Variants in SNRNP70 observed in about 807,000 individuals in gnomAD.
SNRNP70 encodes small nuclear ribonucleoprotein U1 subunit 70, also known as U1 small nuclear ribonucleoprotein 70 kDa.
Under a neutral mutation model 50.5 loss-of-function variants are expected in SNRNP70, and 8 were observed. The observed-to-expected ratio is 0.16, with a 90% CI of 0.09 to 0.29. The LOEUF is 0.29. Ranked by LOEUF, SNRNP70 falls within the 10% of genes least tolerant of loss-of-function variation. The probability of loss-of-function intolerance (pLI) is 1.00; values close to 1 mark genes in which losing one functional copy is unlikely to be tolerated. For missense variants in SNRNP70, 529 were observed against 663.5 expected, an observed-to-expected ratio of 0.80 and a Z score of 2.23; for synonymous variants, 320 against 252.9, an observed-to-expected ratio of 1.27 and a Z score of -2.52.
chr19:49,097,785 C>A (rs2040531577), intron 4 of SNRNP70, among the ~76,000 whole-genome samples: 2 of 152,198 alleles, frequency 1.3e-5, no homozygotes, highest in Non-Finnish European at 2.9e-5. Context: ...TCCTTAGTAG[C>A]CAGGTAGAAC....
At chr19:49,091,709 C>T (rs1293890544) in intron 4 of SNRNP70, among the ~76,000 whole-genome samples, 1 of 152,162 alleles carries the variant, frequency 6.6e-6, no homozygotes, top group Non-Finnish European at 1.5e-5. Context: ...GATTTCCTCA[C>T]GGTGCTTACG....
rs759163166 is a variant in SNRNP70, at chr19:49,098,721, AG to A, written c.393+20del. The stretch of plus-strand genomic sequence containing the variant: ...ATCAAAAGAGTAAGTGGAGTGGGTC[AG>A]GGTGTTTGAATTGGGGGTGCATGGA... On this transcript the variant is annotated intron_variant, in intron 6 of 9. Transcript: ENST00000598441. 6.8e-6 allele frequency: 11 copies of A among 1,609,074 alleles called. No homozygotes were observed. The East Asian group carries it at 2.5e-4, about 36-fold the overall frequency.
intron 2 of SNRNP70, among the ~76,000 whole-genome samples, chr19:49,086,881 A>AT (rs5828373): frequency 0.47 from 69,831 of 149,798 alleles, 16,337 homozygotes; most frequent in Middle Eastern, 0.52. Context: ...CAAAAAAAAA[A>AT]TTTTTTTTTT....
At position 49,104,372 on chromosome 19, in the gene SNRNP70, A is replaced by C; in HGVS notation, c.476-262A>C. 1 of 438,082 alleles carries C rather than the reference A, an allele frequency of 2.3e-6. No homozygotes were observed. Among genetic ancestry groups the C allele is most frequent in the Non-Finnish European group, 4.1e-6 (1 of 241,650 alleles). The allele number at this position is 438,082 out of a possible 1,614,324, so 27.1% of individuals were successfully genotyped here. Reference sequence around the variant, plus strand: ...TGGGAGAGGAAGGGCCGGGGAGCCTAGGGGGTGGCGGGTGAGGGTGGACGT... The same window carrying C: ...TGGGAGAGGAAGGGCCGGGGAGCCTCGGGGGTGGCGGGTGAGGGTGGACGT... On this transcript the variant is annotated intron_variant, in intron 7 of 9. Transcript: ENST00000598441. The surrounding 1 kb of genome is among the most constrained non-coding windows in gnomAD (Gnocchi z 5.4).
chr19:49,108,104 GC>G lies in SNRNP70; in HGVS notation c.980del (p.Pro327LeufsTer105). On this transcript the variant is annotated frameshift_variant, in exon 10 of 10. Transcript: ENST00000598441. LOFTEE classifies it high-confidence loss of function. ...MAEPSEAGDA[P>X]PDDGPPGELG... ...CGGAGCCCTCCGAGGCGGGTGACGCGCCCCCTGATGATGGGCCTCCAGGGGA... is the reference window on the plus strand; with the variant it reads ...CGGAGCCCTCCGAGGCGGGTGACGCGCCCCTGATGATGGGCCTCCAGGGGA... The G allele has an allele frequency of 1.3e-6, 2 of 1,548,998 alleles. No homozygotes were observed. The highest frequency in any genetic ancestry group is 1.7e-6 in the Non-Finnish European group (2 of 1,147,530).
Position 49,107,358 on chromosome 19 carries a change from G to C in SNRNP70, c.578-267G>C, listed in dbSNP as rs2122412680. ...GGGTTTTGAGGAGGCTGTGAAGTGCGCTATGGTTAAGATGATGCGCTTTGG... is the reference window on the plus strand; with the variant it reads ...GGGTTTTGAGGAGGCTGTGAAGTGCCCTATGGTTAAGATGATGCGCTTTGG... On this transcript the variant is annotated intron_variant, in intron 8 of 9. Coordinates refer to ENST00000598441, the MANE Select transcript of SNRNP70 (RefSeq NM_003089.6). This position sits in a 1 kb window ranked among gnomAD's most constrained non-coding sequence, Gnocchi z 6.0. Among the ~76,000 whole-genome samples, 1 of 152,328 alleles carries C rather than the reference G, an allele frequency of 6.6e-6. No individual in the cohort carries two copies. Among genetic ancestry groups the C allele is most frequent in the Non-Finnish European group, 1.5e-5 (1 of 68,032 alleles).
At chr19:49,105,097 G>A (rs1600292202) in intron 8 of SNRNP70, among the ~76,000 whole-genome samples, 1 of 152,078 alleles carries the variant, frequency 6.6e-6, no homozygotes, top group Non-Finnish European at 1.5e-5. Flanking sequence ...CGCATGCTGG[G>A]GTTGTAAATG....
intron 7 of SNRNP70, 78 bp downstream of exon 7, chr19:49,101,549 C>A: frequency 1.1e-6 from 1 of 915,734 alleles, no homozygotes; most frequent in Admixed American, 1.9e-5. Flanking sequence ...AGTCTGTCCC[C>A]TCCCCCACCC....
intron 7 of SNRNP70, chr19:49,102,162 C>A (rs199924936): frequency 5.4e-6 from 7 of 1,289,436 alleles, no homozygotes; most frequent in Middle Eastern, 2.1e-4. Context: ...CCTTACAACA[C>A]CTCAGTGTAT....
intron 2 of SNRNP70, among the ~76,000 whole-genome samples, chr19:49,090,068 C>T (rs2040429275): frequency 2.0e-5 from 3 of 152,042 alleles, no homozygotes; most frequent in Admixed American, 2.0e-4. Flanking sequence ...GTGTCATCAT[C>T]CCAAAGTGCT....
At chr19:49,094,804 A>G (rs2040492304) in intron 4 of SNRNP70, among the ~76,000 whole-genome samples, 1 of 152,178 alleles carries the variant, frequency 6.6e-6, no homozygotes, top group African/African-American at 2.4e-5. Context: ...ACAGCTTCCA[A>G]GTGCAGCAGG....
At chr19:49,092,416 C>CTT (rs1056544487) in intron 4 of SNRNP70, among the ~76,000 whole-genome samples, 2 of 137,768 alleles carry the variant, frequency 1.5e-5, no homozygotes, top group South Asian at 2.3e-4. Flanking sequence ...CACCCCCCTC[C>CTT]TTTTTTTTTT....
At chr19:49,091,603 C>T (rs575292900) in intron 4 of SNRNP70, among the ~76,000 whole-genome samples, 7 of 152,270 alleles carry the variant, frequency 4.6e-5, no homozygotes, top group South Asian at 2.1e-4. Flanking sequence ...CATCAAACGA[C>T]GCACTTCTCA....
At chr19:49,096,828 C>T (rs1364774443) in intron 4 of SNRNP70, among the ~76,000 whole-genome samples, 2 of 151,496 alleles carry the variant, frequency 1.3e-5, no homozygotes, top group Non-Finnish European at 2.9e-5. Flanking sequence ...TAGTTAAATT[C>T]TCTCATAAGA....
In SNRNP70 at chr19:49,085,456, C is replaced by T. The variant is rs1046468730; in HGVS notation, c.-191C>T. 62 of 426,970 alleles carry T rather than the reference C, an allele frequency of 1.5e-4. No individual in the cohort carries two copies. The highest frequency in any genetic ancestry group is 1.2e-3 in the African/African-American group (60 of 49,240). The allele number at this position is 426,970 out of a possible 1,614,324, so 26.4% of individuals were successfully genotyped here. A position where few individuals can be genotyped will look rare whatever the true frequency, so the allele number is the denominator to read the frequency against. Reference sequence around the variant, plus strand: ...CGGGACCCACCCCCTGCTCCAGTCGCTATCGGAGGCCGCGCGGGTGGCTGA... The same window carrying T: ...CGGGACCCACCCCCTGCTCCAGTCGTTATCGGAGGCCGCGCGGGTGGCTGA... On this transcript the variant is annotated 5_prime_UTR_variant, in exon 1 of 10. Transcript: ENST00000598441.
chr19:49,095,341 T>C (rs2040499380), intron 4 of SNRNP70, among the ~76,000 whole-genome samples: 1 of 152,250 alleles, frequency 6.6e-6, no homozygotes, highest in African/African-American at 2.4e-5. Context: ...ATGCCTGCTG[T>C]CTGGCGTTGC....
chr19:49,102,345 C>T (rs2040599089), intron 7 of SNRNP70: 2 of 371,276 alleles, frequency 5.4e-6, no homozygotes, highest in South Asian at 3.9e-5. Flanking sequence ...TCCCTCCTGC[C>T]CCGATCCGTA....
intron 4 of SNRNP70, among the ~76,000 whole-genome samples, chr19:49,091,183 G>T (rs997862321): frequency 6.6e-6 from 1 of 151,992 alleles, no homozygotes; most frequent in African/African-American, 2.4e-5. Flanking sequence ...AGCCTGGCCA[G>T]CGTGGTGAAA....
Position 49,107,494 on chromosome 19 carries a change from G to A in SNRNP70, c.578-131G>A, listed in dbSNP as rs968694190. 2.6e-6 allele frequency: 2 copies of A among 780,664 alleles called. No homozygotes were observed. The highest frequency in any genetic ancestry group is 3.3e-4 in the Middle Eastern group (1 of 3,016). The allele number at this position is 780,664 out of a possible 1,614,324, so 48.4% of individuals were successfully genotyped here. On this transcript the variant is annotated intron_variant, in intron 8 of 9. Transcript: ENST00000598441. The surrounding 1 kb of genome is among the most constrained non-coding windows in gnomAD (Gnocchi z 6.0). ...GGAGTGCGCGGGATGAACTGCACGG[G>A]GGGACCCGGCCCTGTGAACACTAAG...
Sources: gnomAD v4.1 joint callset for allele counts (sites outside exome capture counted in the v4.1 genomes callset) on GRCh38, gnomAD v4.1.1 for gene constraint, Gnocchi (gnomAD v3.1) non-coding constraint, MANE v1.5 for transcripts, NCBI Gene and HGNC (gene_info 2026-07-23, HGNC 2026-07-21) for gene names.